NUP37: variants seen among roughly 807,000 people sequenced by gnomAD.
NUP37 encodes nucleoporin 37.
In NUP37, 33 loss-of-function variants were observed where a neutral mutation model predicts 45.4. The observed-to-expected ratio is 0.73, with a 90% confidence interval of 0.55 to 0.97. The LOEUF (loss-of-function observed/expected upper bound fraction) is 0.97. Ranked by LOEUF, NUP37 falls within the 50% of genes least tolerant of loss-of-function variation. The pLI, the probability that NUP37 is intolerant of heterozygous loss-of-function variation, is 0.00. For synonymous variants in NUP37, 127 were observed against 130.7 expected, an observed-to-expected ratio of 0.97 and a Z score of 0.19; for missense variants, 365 against 389.7, an observed-to-expected ratio of 0.94 and a Z score of 0.53.
intron 6 of NUP37, among the ~76,000 whole-genome samples, chr12:102,084,063 T>G (rs185932315): frequency 6.6e-6 from 1 of 152,204 alleles, no homozygotes; most frequent in African/African-American, 2.4e-5. Flanking sequence ...AGGGAATTTT[T>G]AAGAGCAAGA....
intron 5 of NUP37, among the ~76,000 whole-genome samples, chr12:102,088,061 T>A (rs1171065045): frequency 6.6e-6 from 1 of 152,148 alleles, no homozygotes; most frequent in African/African-American, 2.4e-5. Context: ...GATAAAATGA[T>A]TTATGGTTTA....
intron 5 of NUP37, 139 bp downstream of exon 5, chr12:102,098,967 T>C: frequency 1.5e-6 from 1 of 688,468 alleles, no homozygotes; most frequent in South Asian, 1.7e-5. Flanking sequence ...GTGCCATACC[T>C]ACAGTTCAAA....
intron 8 of NUP37, 125 bp from the exon 9 acceptor site, chr12:102,075,219 A>G (rs530008425): frequency 3.7e-6 from 2 of 546,076 alleles, no homozygotes; most frequent in Non-Finnish European, 6.3e-6. Flanking sequence ...TCTGTCACCC[A>G]GGCTGGAGTG....
intron 3 of NUP37, among the ~76,000 whole-genome samples, chr12:102,108,360 T>A (rs1003441802): frequency 7.9e-5 from 12 of 152,336 alleles, no homozygotes; most frequent in Non-Finnish European, 1.6e-4. Flanking sequence ...GCTTCTGGAC[T>A]CTTAGGCTTA....
intron 3 of NUP37, among the ~76,000 whole-genome samples, chr12:102,108,805 C>A (rs1200456762): frequency 1.3e-5 from 2 of 152,092 alleles, no homozygotes; most frequent in African/African-American, 4.8e-5. Flanking sequence ...TTGAGGGTCT[C>A]CTACGGATTT....
At chr12:102,090,571 A>C (rs933403996) in intron 5 of NUP37, among the ~76,000 whole-genome samples, 6 of 152,234 alleles carry the variant, frequency 3.9e-5, no homozygotes, top group African/African-American at 1.4e-4. Context: ...AAACTAAGTC[A>C]ATGCCAACTA....
intron 5 of NUP37, among the ~76,000 whole-genome samples, chr12:102,091,657 A>G (rs929398533): frequency 6.6e-6 from 1 of 152,118 alleles, no homozygotes; most frequent in Admixed American, 6.5e-5. Flanking sequence ...CTGACATATT[A>G]AGGTGCCAAT....
At chr12:102,107,187 C>T (rs974898821) in intron 3 of NUP37, among the ~76,000 whole-genome samples, 1 of 152,176 alleles carries the variant, frequency 6.6e-6, no homozygotes, top group Admixed American at 6.5e-5. Flanking sequence ...TGGTATGCAA[C>T]AGGGCCTAGA....
At chr12:102,113,969 A>C (rs758893327) in intron 2 of NUP37, among the ~76,000 whole-genome samples, 4 of 152,222 alleles carry the variant, frequency 2.6e-5, no homozygotes, top group Non-Finnish European at 5.9e-5. Flanking sequence ...AATAACTTCA[A>C]ATTTCAGGTG....
chr12:102,074,287 C>A lies in NUP37; in HGVS notation c.*67G>T. The A allele has an allele frequency of 1.1e-6, 1 of 896,052 alleles. No homozygotes were observed. Among genetic ancestry groups the A allele is most frequent in the Non-Finnish European group, 1.8e-6 (1 of 567,670 alleles). The allele number at this position is 896,052 out of a possible 1,614,324, so 55.5% of individuals were successfully genotyped here. On this transcript the variant is annotated 3_prime_UTR_variant, in exon 10 of 10. Coordinates refer to ENST00000552283, the MANE Select transcript of NUP37 (RefSeq NM_024057.4). ...ATATAAAAATTCTTCAAAATATGTA[C>A]TATAGAAATTCTTCAAAATATGTAC...
chr12:102,075,954 A>G (rs1353093491), intron 8 of NUP37, among the ~76,000 whole-genome samples: 1 of 152,068 alleles, frequency 6.6e-6, no homozygotes. Flanking sequence ...CCATCTTGTA[A>G]CTATGAAGCA....
At chr12:102,088,147 C>T (rs1879525170) in intron 5 of NUP37, among the ~76,000 whole-genome samples, 1 of 152,142 alleles carries the variant, frequency 6.6e-6, no homozygotes, top group Non-Finnish European at 1.5e-5. Context: ...ACAAATTGGG[C>T]TGAAACTAGT....
intron 3 of NUP37, among the ~76,000 whole-genome samples, chr12:102,107,200 A>AACC (rs1880179678): frequency 6.6e-6 from 1 of 152,214 alleles, no homozygotes; most frequent in Non-Finnish European, 1.5e-5. Flanking sequence ...GGCCTAGACC[A>AACC]ACCCCTTGTA....
At chr12:102,110,272 G>C (rs1353600466) in intron 3 of NUP37, among the ~76,000 whole-genome samples, 1 of 152,080 alleles carries the variant, frequency 6.6e-6, no homozygotes, top group Non-Finnish European at 1.5e-5. Context: ...GGTCAAGGTA[G>C]GTGAATTGCT....
At chr12:102,106,072 A>G (rs1337347303) in intron 3 of NUP37, among the ~76,000 whole-genome samples, 2 of 152,158 alleles carry the variant, frequency 1.3e-5, no homozygotes, top group Non-Finnish European at 2.9e-5. Context: ...TATGAAGGGT[A>G]AGAGATTGAA....
At chr12:102,119,496 A>G (rs1196326600) in intron 1 of NUP37, 1 of 152,238 alleles carries the variant, frequency 6.6e-6, no homozygotes, top group Non-Finnish European at 1.5e-5. Flanking sequence ...GCATTCCCAC[A>G]TGAGAATTAT....
At chr12:102,097,183 T>C (rs542694927) in intron 5 of NUP37, among the ~76,000 whole-genome samples, 5 of 152,216 alleles carry the variant, frequency 3.3e-5, no homozygotes, top group Admixed American at 3.3e-4. Flanking sequence ...GTCACACCTG[T>C]TAATGCTACA....
At chr12:102,106,376 CCCCTAAAA>C (rs564184660) in intron 3 of NUP37, among the ~76,000 whole-genome samples, 375 of 152,224 alleles carry the variant, frequency 2.5e-3, no homozygotes, top group Non-Finnish European at 4.4e-3. Flanking sequence ...ATCAAGTTAT[CCCCTAAAA>C]ATGTGCCATA....
intron 2 of NUP37, among the ~76,000 whole-genome samples, chr12:102,117,689 T>C (rs1880503854): frequency 1.4e-5 from 2 of 138,874 alleles, no homozygotes; most frequent in Non-Finnish European, 3.1e-5. Flanking sequence ...GATGCCCTCT[T>C]GGAATTTTTA....
Sources: allele counts gnomAD v4.1 joint callset (sites outside exome capture counted in the v4.1 genomes callset), GRCh38; gene constraint gnomAD v4.1.1; transcripts MANE v1.5; gene names NCBI Gene and HGNC (gene_info 2026-07-23, HGNC 2026-07-21).